The following RIMS1 variants were observed in gnomAD, a reference collection of about 807,000 sequenced individuals.
RIMS1 encodes the protein regulating synaptic membrane exocytosis 1.
Under a neutral mutation model 214.1 loss-of-function variants are expected in RIMS1, and 83 were observed. The ratio of observed to expected loss-of-function variants is 0.39; its 90% CI spans 0.32 to 0.47. The LOEUF (loss-of-function observed/expected upper bound fraction) is 0.47. RIMS1 is among the 20% of genes least tolerant of loss of function. The pLI, the probability that RIMS1 is intolerant of heterozygous loss-of-function variation, is 0.99. For missense variants in RIMS1, 2,050 were observed against 2,161.8 expected, an observed-to-expected ratio of 0.95 and a Z score of 1.03; for synonymous variants, 793 against 786.8, an observed-to-expected ratio of 1.01 and a Z score of -0.13.
At chr6:71,989,633 T>A (rs1389753450) in intron 2 of RIMS1, among the ~76,000 whole-genome samples, 2 of 152,186 alleles carry the variant, frequency 1.3e-5, no homozygotes, top group Non-Finnish European at 2.9e-5. Flanking sequence ...AGAATGTAGG[T>A]GCTACAGTTT....
chr6:71,924,720 T>C (rs893315163), intron 1 of RIMS1, among the ~76,000 whole-genome samples: 3 of 139,776 alleles, frequency 2.1e-5, no homozygotes, highest in Non-Finnish European at 4.5e-5. Context: ...GGTTGGAGGA[T>C]GGTTTTAGCC....
chr6:72,320,172 C>T (rs9442769), intron 28 of RIMS1, among the ~76,000 whole-genome samples: 1 of 151,794 alleles, frequency 6.6e-6, no homozygotes, highest in Admixed American at 6.6e-5. Context: ...CAGTTTTATT[C>T]GAGTGTTTTT....
At chr6:71,942,801 C>G (rs914821270) in intron 1 of RIMS1, among the ~76,000 whole-genome samples, 1 of 151,964 alleles carries the variant, frequency 6.6e-6, no homozygotes, top group Non-Finnish European at 1.5e-5. Flanking sequence ...TTCTGAATCT[C>G]TGAATATATG....
At chr6:72,270,993 C>T (rs940728590) in intron 22 of RIMS1, among the ~76,000 whole-genome samples, 3 of 151,942 alleles carry the variant, frequency 2.0e-5, no homozygotes, top group Non-Finnish European at 4.4e-5. Flanking sequence ...GAAGTACTGC[C>T]GTGGTGGCTC....
intron 29 of RIMS1, among the ~76,000 whole-genome samples, chr6:72,339,663 T>A (rs889926180): frequency 1.3e-5 from 2 of 152,124 alleles, no homozygotes; most frequent in African/African-American, 4.8e-5. Context: ...ATGTGCCACA[T>A]TTTCTTCATC....
chr6:72,376,249 T>G (rs1595707388), intron 29 of RIMS1, among the ~76,000 whole-genome samples: 1 of 152,160 alleles, frequency 6.6e-6, no homozygotes, highest in East Asian at 1.9e-4. Flanking sequence ...CTGTGAAGTG[T>G]AAGTTTTGCT....
intron 4 of RIMS1, among the ~76,000 whole-genome samples, chr6:72,118,479 C>G (rs1181689844): frequency 6.6e-6 from 1 of 151,428 alleles, no homozygotes; most frequent in African/African-American, 2.4e-5. Context: ...TTCTATGAAG[C>G]CAGTATTACC....
At chr6:72,000,948 C>A (rs1391947975) in intron 2 of RIMS1, among the ~76,000 whole-genome samples, 1 of 152,112 alleles carries the variant, frequency 6.6e-6, no homozygotes, top group Non-Finnish European at 1.5e-5. Flanking sequence ...TACAGAGATA[C>A]ATTATGTTGT....
chr6:72,086,530 T>C (rs1439176991), intron 2 of RIMS1, among the ~76,000 whole-genome samples: 1 of 152,156 alleles, frequency 6.6e-6, no homozygotes, highest in Non-Finnish European at 1.5e-5. Flanking sequence ...ACAACTTGTA[T>C]TTATAATATC....
At chr6:72,039,075 A>G (rs967920945) in intron 2 of RIMS1, among the ~76,000 whole-genome samples, 1 of 152,140 alleles carries the variant, frequency 6.6e-6, no homozygotes, top group African/African-American at 2.4e-5. Context: ...GACTTTTCCT[A>G]ACAGTTTTCA....
At chr6:71,922,778 T>C (rs1780415871) in intron 1 of RIMS1, among the ~76,000 whole-genome samples, 1 of 151,968 alleles carries the variant, frequency 6.6e-6, no homozygotes, top group Non-Finnish European at 1.5e-5. Flanking sequence ...AGAAATGGAG[T>C]AGGATGTTAG....
rs71540328 is a variant in RIMS1, at chr6:72,095,116, AT to A, written c.246-1813del. 1.9e-3 allele frequency among the ~76,000 whole-genome samples: 188 copies of A among 98,952 alleles called. 1 individual carries two copies. The highest frequency in any genetic ancestry group is 6.9e-3 in the Middle Eastern group (1 of 144). 64.9% of individuals were successfully genotyped at this position (98,952 alleles called of 152,430 possible). ...ACAGCCACCGCCACCACGCCCGACT[AT>A]TTTTTTTTTTTTTTTTTTTGTATTT... On this transcript the variant is annotated intron_variant, in intron 2 of 33. Coordinates refer to ENST00000521978, the MANE Select transcript of RIMS1 (RefSeq NM_014989.7).
intron 4 of RIMS1, among the ~76,000 whole-genome samples, chr6:72,106,391 T>C (rs2034750498): frequency 1.3e-5 from 2 of 152,228 alleles, no homozygotes; most frequent in Non-Finnish European, 2.9e-5. Context: ...ATATGCCTTG[T>C]GACTCTTCAA....
intron 29 of RIMS1, among the ~76,000 whole-genome samples, chr6:72,341,512 A>G (rs1247778851): frequency 6.6e-6 from 1 of 151,830 alleles, no homozygotes; most frequent in African/African-American, 2.4e-5. Flanking sequence ...AATGTAAAAT[A>G]TCAGCTTTAT....
At chr6:72,372,695 C>T (rs909076939) in intron 29 of RIMS1, among the ~76,000 whole-genome samples, 7 of 152,174 alleles carry the variant, frequency 4.6e-5, no homozygotes, top group Admixed American at 6.5e-5. Context: ...CTAAGAACAT[C>T]GGAAAGAACT....
At chr6:72,166,576 T>A (rs959229107) in intron 4 of RIMS1, among the ~76,000 whole-genome samples, 4 of 152,288 alleles carry the variant, frequency 2.6e-5, no homozygotes, top group African/African-American at 9.6e-5. Context: ...AACTGTATTT[T>A]TAAAAATTAT....
intron 10 of RIMS1, among the ~76,000 whole-genome samples, chr6:72,243,948 T>G (rs143938117): frequency 6.7e-6 from 1 of 150,322 alleles, no homozygotes; most frequent in Admixed American, 6.6e-5. Flanking sequence ...ATTGGAATCC[T>G]AGAAAAATAA....
intron 6 of RIMS1, among the ~76,000 whole-genome samples, chr6:72,199,218 G>T (rs1294188223): frequency 6.6e-6 from 1 of 151,742 alleles, no homozygotes; most frequent in African/African-American, 2.4e-5. Context: ...CAATAAAAAG[G>T]GGCAATTAAA....
chr6:71,906,689 G>A (rs1174456201), intron 1 of RIMS1, among the ~76,000 whole-genome samples: 2 of 152,046 alleles, frequency 1.3e-5, no homozygotes, highest in Non-Finnish European at 2.9e-5. Context: ...GCCTGGGTTC[G>A]AATCCTGAGA....
Sources: gnomAD v4.1 joint callset for allele counts (sites outside exome capture counted in the v4.1 genomes callset) on GRCh38, gnomAD v4.1.1 for gene constraint, MANE v1.5 for transcripts, NCBI Gene and HGNC (gene_info 2026-07-23, HGNC 2026-07-21) for gene names.